HDAC9: variants seen among roughly 807,000 people sequenced by gnomAD.
HDAC9 encodes the protein histone deacetylase 9.
Under a neutral mutation model 139.4 loss-of-function variants are expected in HDAC9, and 41 were observed. The ratio of observed to expected loss-of-function variants is 0.29; its 90% CI spans 0.23 to 0.38. The LOEUF (loss-of-function observed/expected upper bound fraction) is 0.38. HDAC9 is among the 10% of genes least tolerant of loss of function. The probability of loss-of-function intolerance (pLI) is 1.00; values close to 1 mark genes in which losing one functional copy is unlikely to be tolerated. For synonymous variants in HDAC9, 517 were observed against 476.2 expected (o/e 1.09, Z -1.12); for missense variants, 1,147 against 1,297.0 (o/e 0.88, Z 1.78).
intron 1 of HDAC9, among the ~76,000 whole-genome samples, chr7:18,131,337 A>G (rs1784988199): frequency 1.3e-5 from 2 of 152,172 alleles, no homozygotes; most frequent in South Asian, 4.1e-4. Flanking sequence ...TTGATAACTA[A>G]TAGCAAAATT....
intron 1 of HDAC9, among the ~76,000 whole-genome samples, chr7:18,428,435 T>A (rs1325379791): frequency 6.6e-6 from 1 of 152,150 alleles, no homozygotes; most frequent in African/African-American, 2.4e-5. Flanking sequence ...AAATTAATAA[T>A]CTCATTTAAA....
At chr7:18,276,503 C>T (rs1489228240) in intron 2 of HDAC9, among the ~76,000 whole-genome samples, 1 of 152,094 alleles carries the variant, frequency 6.6e-6, no homozygotes, top group Non-Finnish European at 1.5e-5. Flanking sequence ...GTGTGGCACT[C>T]GAGTTTTCAG....
intron 1 of HDAC9, among the ~76,000 whole-genome samples, chr7:18,104,707 C>G (rs1167049129): frequency 6.6e-6 from 1 of 152,074 alleles, no homozygotes; most frequent in African/African-American, 2.4e-5. Context: ...CTCTCCTTGT[C>G]TCCTTTTTGG....
At chr7:18,216,226 C>A (rs1222478833) in intron 2 of HDAC9, among the ~76,000 whole-genome samples, 1 of 151,902 alleles carries the variant, frequency 6.6e-6, no homozygotes, top group Non-Finnish European at 1.5e-5. Flanking sequence ...GAGCTTTTCC[C>A]AGAAAGTTTT....
chr7:18,985,395 G>A (rs903638336), intron 25 of HDAC9, among the ~76,000 whole-genome samples: 1 of 152,196 alleles, frequency 6.6e-6, no homozygotes, highest in Non-Finnish European at 1.5e-5. Context: ...CAAAGGACAT[G>A]AACTCATCAT....
chr7:18,238,543 C>T (rs1050820776), intron 2 of HDAC9, among the ~76,000 whole-genome samples: 2 of 151,996 alleles, frequency 1.3e-5, no homozygotes, highest in African/African-American at 2.4e-5. Context: ...AAAGATAGAC[C>T]CTCTATATAT....
intron 1 of HDAC9, among the ~76,000 whole-genome samples, chr7:18,157,346 A>C (rs890131094): frequency 6.6e-6 from 1 of 152,132 alleles, no homozygotes; most frequent in Non-Finnish European, 1.5e-5. Flanking sequence ...GGGGTTATAC[A>C]TGAGGGAAAG....
At chr7:18,124,837 T>G (rs1258752148) in intron 1 of HDAC9, among the ~76,000 whole-genome samples, 2 of 152,128 alleles carry the variant, frequency 1.3e-5, no homozygotes, top group East Asian at 3.9e-4. Flanking sequence ...CTTACACTTC[T>G]GCCTCTGATC....
intron 2 of HDAC9, among the ~76,000 whole-genome samples, chr7:18,203,984 A>G (rs1248517842): frequency 1.3e-5 from 2 of 152,208 alleles, no homozygotes; most frequent in Non-Finnish European, 2.9e-5. Context: ...AAGCTCATGC[A>G]TACTGAAGCG....
chr7:18,478,329 C>A (rs1007980615), intron 1 of HDAC9, among the ~76,000 whole-genome samples: 2 of 152,188 alleles, frequency 1.3e-5, no homozygotes, highest in African/African-American at 4.8e-5. Context: ...CCTCGGCCTC[C>A]CAAAGTGCTG....
intron 2 of HDAC9, among the ~76,000 whole-genome samples, chr7:18,238,428 T>C (rs1451329047): frequency 6.6e-6 from 1 of 152,240 alleles, no homozygotes; most frequent in Non-Finnish European, 1.5e-5. Context: ...CCATAATTGC[T>C]GGTTGCCACA....
Position 18,592,892 on chromosome 7 carries a change from A to T in HDAC9, c.543-1016A>T, listed in dbSNP as rs1183973214. On this transcript the variant is annotated intron_variant, in intron 5 of 25. Transcript: ENST00000686413. ...TAATTCAAAATTAAAGTCTGTTCTAAGAAAAGATAATAGCATTAAATGAGA... is the reference window on the plus strand; with the variant it reads ...TAATTCAAAATTAAAGTCTGTTCTATGAAAAGATAATAGCATTAAATGAGA... Among the ~76,000 whole-genome samples the T allele has an allele frequency of 3.3e-5, 5 of 152,282 alleles. No homozygotes were observed. The East Asian group carries it at 9.6e-4, about 29-fold the overall frequency.
chr7:18,716,403 G>A (rs1784703443), intron 12 of HDAC9, among the ~76,000 whole-genome samples: 2 of 152,084 alleles, frequency 1.3e-5, no homozygotes, highest in South Asian at 4.1e-4. Context: ...TTGTGGACTT[G>A]TTATTTATTT....
At chr7:18,590,189 A>G (rs1830548146) in intron 3 of HDAC9, 147 bp from the exon 4 acceptor site, 1 of 850,968 alleles carries the variant, frequency 1.2e-6, no homozygotes, top group Admixed American at 2.9e-5. Flanking sequence ...GCTTGTCCTT[A>G]GATTTCAATG....
chr7:18,451,206 A>G (rs1586000811), intron 1 of HDAC9, among the ~76,000 whole-genome samples: 1 of 152,116 alleles, frequency 6.6e-6, no homozygotes, highest in Non-Finnish European at 1.5e-5. Context: ...AGCATCGTCC[A>G]TGAGGAATGG....
At chr7:18,985,077 T>C (rs538076499) in intron 25 of HDAC9, among the ~76,000 whole-genome samples, 4 of 152,194 alleles carry the variant, frequency 2.6e-5, no homozygotes, top group Non-Finnish European at 2.9e-5. Context: ...TTTCTATTTA[T>C]TTATTATTAT....
intron 25 of HDAC9, among the ~76,000 whole-genome samples, chr7:18,993,084 A>G (rs1406469247): frequency 6.7e-6 from 1 of 149,702 alleles, no homozygotes; most frequent in African/African-American, 2.5e-5. Flanking sequence ...ATCACTCACC[A>G]GATATCTTTC....
chr7:18,222,616 CAT>C (rs540437852), intron 2 of HDAC9, among the ~76,000 whole-genome samples: 280 of 152,196 alleles, frequency 1.8e-3, no homozygotes, highest in African/African-American at 5.6e-3. Context: ...CAGTTTAACA[CAT>C]GTTTTTCCAG....
At chr7:18,601,073 G>A (rs148874407) in intron 6 of HDAC9, among the ~76,000 whole-genome samples, 209 of 152,250 alleles carry the variant, frequency 1.4e-3, no homozygotes, top group Middle Eastern at 6.8e-3. Flanking sequence ...GTTGAGAATA[G>A]CCATCTGAAC....
Sources: allele counts gnomAD v4.1 joint callset (sites outside exome capture counted in the v4.1 genomes callset), GRCh38; gene constraint gnomAD v4.1.1; transcripts MANE v1.5; gene names NCBI Gene and HGNC (gene_info 2026-07-23, HGNC 2026-07-21).